FRMD4B: variants seen among roughly 807,000 people sequenced by gnomAD.
The protein encoded by FRMD4B is FERM domain containing 4B, also known as FERM domain-containing protein 4B.
Under a neutral mutation model 141.5 loss-of-function variants are expected in FRMD4B, and 74 were observed. That is an observed-to-expected ratio of 0.52 (90% CI 0.43 to 0.63). FRMD4B has a LOEUF of 0.63. Among genes scored for constraint, FRMD4B ranks in the 30% least tolerant of loss-of-function variants. The pLI is 0.00. For synonymous variants in FRMD4B, 506 were observed against 467.9 expected (o/e 1.08, Z -1.05); for missense variants, 1,366 against 1,253.4 (o/e 1.09, Z -1.36).
At chr3:69,273,345 C>T (rs2093603846) in intron 5 of FRMD4B, among the ~76,000 whole-genome samples, 1 of 152,186 alleles carries the variant, frequency 6.6e-6, no homozygotes, top group African/African-American at 2.4e-5. Context: ...CAGTGATTCT[C>T]CTATGTCTCC....
chr3:69,364,931 G>A lies in FRMD4B; in HGVS notation c.162+20897C>T, dbSNP rs566561508. On this transcript the variant is annotated intron_variant, in intron 1 of 22. Transcript: ENST00000398540. ...CTCAGTTCATCTAAATGAAGTTTAG[G>A]CCATTTACAGAAGAGATAAAACAAA... Among the ~76,000 whole-genome samples the A allele has an allele frequency of 4.6e-5, 7 of 152,106 alleles. No individual in the cohort carries two copies. The South Asian group carries it at 8.3e-4, about 18-fold the overall frequency.
At chr3:69,352,984 C>T (rs1280468023) in intron 1 of FRMD4B, among the ~76,000 whole-genome samples, 2 of 152,008 alleles carry the variant, frequency 1.3e-5, no homozygotes, top group African/African-American at 4.8e-5. Flanking sequence ...GCTGATGAAA[C>T]GATGAACAAT....
chr3:69,219,170 A>T (rs1170691565), intron 9 of FRMD4B, among the ~76,000 whole-genome samples: 1 of 151,298 alleles, frequency 6.6e-6, no homozygotes, highest in Non-Finnish European at 1.5e-5. Context: ...GTCAAAAAAA[A>T]AAAAAAAGTC....
chr3:69,447,288 A>G (rs1705423849), intron 1 of FRMD4B, among the ~76,000 whole-genome samples: 1 of 152,192 alleles, frequency 6.6e-6, no homozygotes. Context: ...TACCTATTTC[A>G]TATATGTGAA....
intron 21 of FRMD4B, among the ~76,000 whole-genome samples, chr3:69,180,215 G>A (rs2092689927): frequency 7.5e-6 from 1 of 133,650 alleles, no homozygotes; most frequent in African/African-American, 3.1e-5. Flanking sequence ...GGGCAACATA[G>A]CAAGACCCAA....
intron 1 of FRMD4B, among the ~76,000 whole-genome samples, chr3:69,480,714 T>C (rs1453615853): frequency 2.0e-5 from 3 of 152,216 alleles, no homozygotes; most frequent in Non-Finnish European, 4.4e-5. Context: ...AGCTGCGTGC[T>C]GGGAGAACCA....
At chr3:69,503,537 G>A (rs757649353) in intron 1 of FRMD4B, among the ~76,000 whole-genome samples, 18 of 108,630 alleles carry the variant, frequency 1.7e-4, no homozygotes, top group Admixed American at 5.0e-4. Context: ...GCCTGTTGTG[G>A]GGTGGGGGGA....
chr3:69,292,216 G>C (rs1700897324), intron 4 of FRMD4B, among the ~76,000 whole-genome samples: 1 of 152,142 alleles, frequency 6.6e-6, no homozygotes, highest in African/African-American at 2.4e-5. Context: ...ATGAATTAAG[G>C]GGAGAATGCT....
At chr3:69,500,368 T>C (rs1479515317) in intron 1 of FRMD4B, among the ~76,000 whole-genome samples, 1 of 152,200 alleles carries the variant, frequency 6.6e-6, no homozygotes, top group East Asian at 1.9e-4. Context: ...CTAGGATATA[T>C]ATTCTTAATG....
At chr3:69,481,383 A>G (rs1280532060) in intron 1 of FRMD4B, among the ~76,000 whole-genome samples, 1 of 152,102 alleles carries the variant, frequency 6.6e-6, no homozygotes, top group East Asian at 1.9e-4. Flanking sequence ...TTCTTTGCTC[A>G]TGATAGTGTT....
intron 7 of FRMD4B, among the ~76,000 whole-genome samples, chr3:69,236,637 T>C (rs1000265620): frequency 6.6e-6 from 1 of 152,000 alleles, no homozygotes; most frequent in African/African-American, 2.4e-5. Context: ...AGGTGAGAAG[T>C]CCAATATATC....
At chr3:69,197,165 G>T in intron 12 of FRMD4B, 127 bp from the exon 13 acceptor site, 1 of 623,278 alleles carries the variant, frequency 1.6e-6, no homozygotes, top group Non-Finnish European at 2.7e-6. Context: ...AAACTCTTAC[G>T]CAAATGGGGA....
intron 1 of FRMD4B, among the ~76,000 whole-genome samples, chr3:69,446,639 T>A (rs1575805103): frequency 6.6e-6 from 1 of 152,184 alleles, no homozygotes; most frequent in Non-Finnish European, 1.5e-5. Flanking sequence ...CCATGTGTTA[T>A]TTTAGATTAA....
chr3:69,387,149 A>AT (rs550805524), upstream of FRMD4B, among the ~76,000 whole-genome samples: 439 of 152,208 alleles, frequency 2.9e-3, 3 homozygotes, highest in African/African-American at 9.7e-3. Context: ...TCCTTTATTT[A>AT]TTTTTGAGAC....
At chr3:69,331,931 T>C (rs1702382034) in intron 1 of FRMD4B, among the ~76,000 whole-genome samples, 2 of 151,876 alleles carry the variant, frequency 1.3e-5, no homozygotes, top group South Asian at 2.1e-4. Flanking sequence ...CTACTAAAAA[T>C]ACAAAAATTA....
rs555514174 is a variant in FRMD4B, at chr3:69,330,283, T to A, written c.163-16766A>T. On this transcript the variant is annotated intron_variant, in intron 1 of 22. Transcript: ENST00000398540. ...AGCTGAGTGACTCCTTTGTCTTTTTTTTTTTTTAATATTATATATATTCAA... is the reference window on the plus strand; with the variant it reads ...AGCTGAGTGACTCCTTTGTCTTTTTATTTTTTTAATATTATATATATTCAA... Among the ~76,000 whole-genome samples, 5 of 151,454 alleles carry A rather than the reference T, an allele frequency of 3.3e-5. No individual in the cohort carries two copies. The South Asian group carries it at 8.3e-4, about 25-fold the overall frequency.
chr3:69,432,425 T>C (rs533627687), intron 2 of FRMD4B, among the ~76,000 whole-genome samples: 1 of 152,292 alleles, frequency 6.6e-6, no homozygotes, highest in South Asian at 2.1e-4. Flanking sequence ...CATTTGAAAG[T>C]AGGGGAGTAA....
At position 69,363,512 on chromosome 3, in the gene FRMD4B, C is replaced by A. The variant is rs564796418; in HGVS notation, c.162+22316G>T. Among the ~76,000 whole-genome samples, 9 of 152,108 alleles carry A rather than the reference C, an allele frequency of 5.9e-5. No homozygotes were observed. In the South Asian group the frequency reaches 1.9e-3, roughly 32 times the overall value. ...TCACGCCATTCTCCTGCCTCAGCCT[C>A]CCGAGTAGCTGGGACTACAGGCGCC... On this transcript the variant is annotated intron_variant, in intron 1 of 22. Coordinates refer to ENST00000398540, the MANE Select transcript of FRMD4B (RefSeq NM_015123.3).
chr3:69,476,080 T>A (rs888077130), intron 1 of FRMD4B, among the ~76,000 whole-genome samples: 11 of 150,960 alleles, frequency 7.3e-5, no homozygotes, highest in African/African-American at 2.7e-4. Flanking sequence ...TTTGTTTGAG[T>A]TCATTGTAGA....
Sources: allele counts gnomAD v4.1 joint callset (sites outside exome capture counted in the v4.1 genomes callset), GRCh38; gene constraint gnomAD v4.1.1; transcripts MANE v1.5; gene names NCBI Gene and HGNC (gene_info 2026-07-23, HGNC 2026-07-21).